MYL5: variants seen among roughly 807,000 people sequenced by gnomAD.
MYL5 encodes myosin regulatory light chain 5.
A neutral mutation model predicts 20.8 loss-of-function variants in MYL5; 28 were observed. That is an observed-to-expected ratio of 1.35 (90% CI 1.00 to 1.84). The LOEUF is 1.84. Ranked by LOEUF, MYL5 falls within the 40% of genes most tolerant of loss-of-function variation. The pLI is 0.00. For synonymous variants in MYL5, 118 were observed against 87.4 expected, an observed-to-expected ratio of 1.35 and a Z score of -1.95; for missense variants, 274 against 227.3, an observed-to-expected ratio of 1.21 and a Z score of -1.32.
At chr4:678,271 G>A (rs1452667494) in intron 1 of MYL5, 8 of 1,458,418 alleles carry the variant, frequency 5.5e-6, no homozygotes, top group Non-Finnish European at 7.3e-6. Flanking sequence ...CCTGGTGAGA[G>A]TCCGGAGCAG....
rs1739159168 is a variant in MYL5, at chr4:679,086, G to A, written c.187+53G>A. 3 of 1,440,436 alleles carry A rather than the reference G, an allele frequency of 2.1e-6. No individual in the cohort carries two copies. The East Asian group carries it at 8.0e-5, about 39-fold the overall frequency. The allele number at this position is 1,440,436 out of a possible 1,614,324, so 89.2% of individuals were successfully genotyped here. On this transcript the variant is annotated intron_variant, in intron 3 of 6. Transcript: ENST00000400159. ...GCCCTTGGAGGAGGCGAACACAGAG[G>A]TCCTCCAGCTCCAGACGCCGCGGCC...
In MYL5 at chr4:681,145, G is replaced by A. The variant is rs1188744769; in HGVS notation, c.420+5G>A. 1 of 1,603,668 alleles carries A rather than the reference G, an allele frequency of 6.2e-7. No homozygotes were observed. Among genetic ancestry groups the A allele is most frequent in the African/African-American group, 1.3e-5 (1 of 74,980 alleles). ...GACAAGATGACGGCGGAAGAGGTCT[G>A]GCCCGCGGCTTCCCTGCCAAGCCCA... On this transcript the variant is annotated splice_donor_5th_base_variant and intron_variant, in intron 6 of 6. Transcript: ENST00000400159.
At chr4:681,537 C>T (rs1739540981) in intron 6 of MYL5, among the ~76,000 whole-genome samples, 1 of 149,686 alleles carries the variant, frequency 6.7e-6, no homozygotes, top group Non-Finnish European at 1.5e-5. Context: ...ACACGGTCCT[C>T]CCCGACGCTG....
Position 681,148 on chromosome 4 carries a change from C to T in MYL5, c.420+8C>T, listed in dbSNP as rs1432662971. ...AAGATGACGGCGGAAGAGGTCTGGC[C>T]CGCGGCTTCCCTGCCAAGCCCACGA... is the stretch of plus-strand genomic sequence containing the variant. On this transcript the variant is annotated splice_region_variant and intron_variant, in intron 6 of 6. Transcript: ENST00000400159. 1.2e-6 allele frequency: 2 copies of T among 1,602,120 alleles called. No individual in the cohort carries two copies. The highest frequency in any genetic ancestry group is 1.7e-5 in the Admixed American group (1 of 58,692).
rs1391830097 is a variant in MYL5, at chr4:679,035, T to A, written c.187+2T>A. The A allele has an allele frequency of 3.1e-6, 5 of 1,613,334 alleles. No individual in the cohort carries two copies. Among genetic ancestry groups the A allele is most frequent in the Non-Finnish European group, 4.2e-6 (5 of 1,179,700 alleles). ...TGAAGGACACCTATGCCTCCCTGGG[T>A]AGGTACCCAGGCAGAACGCCTCAGA... On this transcript the variant is annotated splice_donor_variant, in intron 3 of 6. Transcript: ENST00000400159. LOFTEE classifies it high-confidence loss of function.
chr4:680,904 G>C, intron 5 of MYL5, 188 bp from the exon 8 acceptor site: 1 of 686,916 alleles, frequency 1.5e-6, no homozygotes, highest in Non-Finnish European at 2.5e-6. Flanking sequence ...CCCCATCAGC[G>C]GCTCCCCCAG....
At chr4:675,384 G>A (rs1738760878), upstream of MYL5, 1 of 152,418 alleles carries the variant, frequency 6.6e-6, no homozygotes, top group South Asian at 2.1e-4. Flanking sequence ...AAGGCCTCCT[G>A]TGTCCCCTCC....
intron 5 of MYL5, 83 bp from the exon 8 acceptor site, chr4:681,009 G>A (rs780147625): frequency 1.3e-5 from 19 of 1,485,600 alleles, no homozygotes; most frequent in Non-Finnish European, 1.7e-5. Context: ...GTACAACCTG[G>A]GGCCCCTGGA....
exon 1 of MYL5, chr4:677,985 CTG>C: frequency 1.2e-6 from 2 of 1,613,292 alleles, no homozygotes; most frequent in Non-Finnish European, 1.7e-6. Context: ...TGGGCAAGAC[CTG>C]GGGCCCTGGG....
At chr4:681,769 C>G (rs1739686381) in intron 6 of MYL5, 124 bp from the exon 9 acceptor site, 7 of 1,208,278 alleles carry the variant, frequency 5.8e-6, no homozygotes, top group Admixed American at 8.9e-5. Context: ...CGCCCTCACC[C>G]CGCACCCGGG....
At chr4:680,368 C>T (rs1313418480) in intron 4 of MYL5, 141 bp from the exon 7 acceptor site, 1 of 914,588 alleles carries the variant, frequency 1.1e-6, no homozygotes, top group Non-Finnish European at 1.7e-6. Flanking sequence ...AGGAGAAGGC[C>T]TTCAGGCAGA....
chr4:680,110 C>A lies in MYL5; in HGVS notation c.292+92C>A, dbSNP rs1361844350. The A allele has an allele frequency of 5.6e-6, 7 of 1,247,882 alleles. No homozygotes were observed. In the East Asian group the frequency reaches 1.5e-4, roughly 26 times the overall value. 77.3% of individuals were successfully genotyped at this position (1,247,882 alleles called of 1,614,324 possible). ...CACGTAAAAATCTCTCTTTTCCAAT[C>A]TCTGGAGAAGCCCTAGGGCCTGGCA... On this transcript the variant is annotated intron_variant, in intron 4 of 6. Transcript: ENST00000400159.
upstream of MYL5, chr4:674,558 G>T: frequency 2.1e-6 from 1 of 465,722 alleles, no homozygotes; most frequent in Non-Finnish European, 3.8e-6. Context: ...CCGCAGGGCT[G>T]GGGGTCCGCT....
At chr4:676,396 AC>A (rs1399690776), upstream of MYL5, 5 of 152,360 alleles carry the variant, frequency 3.3e-5, no homozygotes, top group East Asian at 9.6e-4. Context: ...GCAAACACAC[AC>A]GGCCTGGGGA....
upstream of MYL5, chr4:677,881 C>T (rs189373304): frequency 1.4e-6 from 2 of 1,388,684 alleles, no homozygotes; most frequent in African/African-American, 1.4e-5. Context: ...CACTCTGCAG[C>T]TGTCCAGTCC....
chr4:674,741 G>A (rs1738717605), upstream of MYL5: 1 of 178,784 alleles, frequency 5.6e-6, no homozygotes, highest in Non-Finnish European at 1.2e-5. Context: ...AGGGTGGCCT[G>A]GGCAGGGACC....
intron 3 of MYL5, chr4:679,261 GA>G (rs1739191902): frequency 1.6e-6 from 1 of 643,016 alleles, no homozygotes; most frequent in Non-Finnish European, 2.8e-6. Flanking sequence ...CCCAAGCCTG[GA>G]AACTCAGAGT....
intron 5 of MYL5, 197 bp from the exon 8 acceptor site, chr4:680,895 C>G: frequency 1.5e-6 from 1 of 675,406 alleles, no homozygotes; most frequent in Admixed American, 2.6e-5. Context: ...CGGCTCTGTC[C>G]CCATCAGCGG....
rs377338184 is a variant in MYL5, at chr4:678,008, AAAGCAGGCAG to A, written c.-9_1del. On this transcript the variant is annotated 5_prime_UTR_variant, in exon 1 of 7. Transcript: ENST00000400159. Reference sequence around the variant, plus strand: ...ACCTGGGGCCCTGGGCAGACGCATCAAAGCAGGCAGAAGCAGGCATGGTGAGCAGGCCGCC... The same window carrying A: ...ACCTGGGGCCCTGGGCAGACGCATCAAAGCAGGCATGGTGAGCAGGCCGCC... The A allele has an allele frequency of 3.0e-4, 478 of 1,613,454 alleles. 2 individuals carry two copies. In the African/African-American group the frequency reaches 5.9e-3, roughly 20 times the overall value.
Sources: gnomAD v4.1 joint callset for allele counts (sites outside exome capture counted in the v4.1 genomes callset) on GRCh38, gnomAD v4.1.1 for gene constraint, MANE v1.5 for transcripts, NCBI Gene and HGNC (gene_info 2026-07-23, HGNC 2026-07-21) for gene names.